SNX13: variants seen among roughly 807,000 people sequenced by gnomAD.
The protein encoded by SNX13 is sorting nexin 13.
In SNX13, 45 loss-of-function variants were observed where a neutral mutation model predicts 133.6. The ratio of observed to expected loss-of-function variants is 0.34; its 90% confidence interval spans 0.27 to 0.43. The LOEUF (loss-of-function observed/expected upper bound fraction) is 0.43. Among genes scored for constraint, SNX13 ranks in the 20% least tolerant of loss-of-function variants. The probability of loss-of-function intolerance (pLI) is 1.00; values close to 1 mark genes in which losing one functional copy is unlikely to be tolerated. For missense variants in SNX13, 1,032 were observed against 1,145.1 expected (o/e 0.90, Z 1.43); for synonymous variants, 414 against 373.9 (o/e 1.11, Z -1.24).
intron 9 of SNX13, among the ~76,000 whole-genome samples, chr7:17,863,774 G>A (rs1793031032): frequency 6.6e-6 from 1 of 152,262 alleles, no homozygotes; most frequent in South Asian, 2.1e-4. Context: ...TGGTGACCAT[G>A]ACAGTGTCCA....
At chr7:17,894,938 C>T (rs1298031913) in intron 2 of SNX13, among the ~76,000 whole-genome samples, 1 of 152,094 alleles carries the variant, frequency 6.6e-6, no homozygotes, top group Non-Finnish European at 1.5e-5. Flanking sequence ...CAGTTTAAGT[C>T]ATTAATTCTG....
At chr7:17,841,529 T>C (rs1419745035) in intron 12 of SNX13, among the ~76,000 whole-genome samples, 1 of 144,830 alleles carries the variant, frequency 6.9e-6, no homozygotes, top group Non-Finnish European at 1.5e-5. Context: ...ACTACATTAT[T>C]AGATTCAAAC....
At chr7:17,866,244 G>A (rs1760479517) in intron 9 of SNX13, among the ~76,000 whole-genome samples, 1 of 149,752 alleles carries the variant, frequency 6.7e-6, no homozygotes, top group African/African-American at 2.5e-5. Context: ...CTACTCATGT[G>A]ACAAAGAAAT....
chr7:17,800,831 G>A (rs1201928767), intron 22 of SNX13, among the ~76,000 whole-genome samples: 1 of 151,192 alleles, frequency 6.6e-6, no homozygotes, highest in Non-Finnish European at 1.5e-5. Context: ...CATTTCAACA[G>A]TTATCACAGA....
chr7:17,911,009 C>T (rs980310366), intron 1 of SNX13, among the ~76,000 whole-genome samples: 3 of 152,140 alleles, frequency 2.0e-5, no homozygotes, highest in Non-Finnish European at 4.4e-5. Context: ...ACCAATGAAT[C>T]ACTCATTTTT....
chr7:17,915,744 T>C (rs1799492543), intron 1 of SNX13, among the ~76,000 whole-genome samples: 1 of 152,134 alleles, frequency 6.6e-6, no homozygotes, highest in Non-Finnish European at 1.5e-5. Flanking sequence ...ATAAGATAGA[T>C]CAACAAGGCA....
At chr7:17,912,654 C>T (rs1799112947) in intron 1 of SNX13, among the ~76,000 whole-genome samples, 1 of 152,136 alleles carries the variant, frequency 6.6e-6, no homozygotes. Context: ...TCAAGTCATC[C>T]ACCTGCCTTG....
At chr7:17,922,597 T>C (rs1464840002) in intron 1 of SNX13, among the ~76,000 whole-genome samples, 1 of 152,232 alleles carries the variant, frequency 6.6e-6, no homozygotes, top group East Asian at 1.9e-4. Context: ...TCTTCACAAG[T>C]TTATTTTCCT....
intron 15 of SNX13, 147 bp downstream of exon 15, chr7:17,833,905 C>T (rs1788816636): frequency 2.0e-6 from 1 of 504,492 alleles, no homozygotes; most frequent in Non-Finnish European, 3.1e-6. Context: ...AGTCACTAAA[C>T]TTTGTCATTC....
At chr7:17,925,926 C>G (rs922801493) in intron 1 of SNX13, among the ~76,000 whole-genome samples, 25 of 152,116 alleles carry the variant, frequency 1.6e-4, no homozygotes, top group Non-Finnish European at 1.2e-4. Context: ...TTTGCACATA[C>G]CAAGTATTAG....
intron 11 of SNX13, among the ~76,000 whole-genome samples, chr7:17,846,167 T>C (rs1415024618): frequency 6.6e-6 from 1 of 151,728 alleles, no homozygotes; most frequent in East Asian, 1.9e-4. Flanking sequence ...ATAAAATGTG[T>C]TTTTTTTCCA....
intron 1 of SNX13, among the ~76,000 whole-genome samples, chr7:17,903,795 A>G (rs1219930617): frequency 6.6e-6 from 1 of 152,222 alleles, no homozygotes; most frequent in Non-Finnish European, 1.5e-5. Context: ...CTTTTATCTA[A>G]ATATTAATCA....
At position 17,830,556 on chromosome 7, in the gene SNX13, G is replaced by C. The variant is rs1347127137; in HGVS notation, c.1598-509C>G. The C allele has an allele frequency of 4.1e-6, 4 of 983,234 alleles. No individual in the cohort carries two copies. In the East Asian group the frequency reaches 3.4e-4, roughly 84 times the overall value. The allele number at this position is 983,234 out of a possible 1,614,324, so 60.9% of individuals were successfully genotyped here. A position where few individuals can be genotyped will look rare whatever the true frequency, so the allele number is the denominator to read the frequency against. On this transcript the variant is annotated intron_variant, in intron 15 of 25. Transcript: ENST00000428135. ...GTGGTAGATTATCTTGAAAACACTG[G>C]AAGTCCAGATTTTTAAATCAATATA...
At chr7:17,805,211 TTGTGTGTGTGTGTG>T (rs55946438) in intron 20 of SNX13, among the ~76,000 whole-genome samples, 14 of 118,492 alleles carry the variant, frequency 1.2e-4, no homozygotes, top group East Asian at 5.1e-4. Context: ...TAATGATTCT[TTGTGTGTGTGTGTG>T]TGTGTGTGTG....
At chr7:17,911,422 T>C (rs1434203187) in intron 1 of SNX13, among the ~76,000 whole-genome samples, 2 of 152,098 alleles carry the variant, frequency 1.3e-5, no homozygotes, top group African/African-American at 4.8e-5. Context: ...GCAGATCACT[T>C]GAGGTCAGGA....
intron 1 of SNX13, among the ~76,000 whole-genome samples, chr7:17,912,323 C>T (rs888208960): frequency 2.0e-5 from 3 of 152,048 alleles, no homozygotes; most frequent in Non-Finnish European, 4.4e-5. Flanking sequence ...AACACTGACA[C>T]TAAACTGGGA....
intron 5 of SNX13, among the ~76,000 whole-genome samples, chr7:17,887,326 C>T (rs537724027): frequency 3.3e-5 from 5 of 152,268 alleles, no homozygotes; most frequent in African/African-American, 1.2e-4. Context: ...GTCTGCATCA[C>T]ACTATAATAT....
intron 7 of SNX13, 130 bp from the exon 8 acceptor site, chr7:17,873,746 T>C (rs1055707147): frequency 4.3e-6 from 2 of 466,340 alleles, no homozygotes; most frequent in South Asian, 9.5e-5. Flanking sequence ...TTTTAGTAAT[T>C]AGTACACATC....
At chr7:17,928,626 C>A (rs1416070143) in intron 1 of SNX13, among the ~76,000 whole-genome samples, 1 of 151,386 alleles carries the variant, frequency 6.6e-6, no homozygotes, top group African/African-American at 2.4e-5. Flanking sequence ...TCAAAAAATT[C>A]AATTATGAGA....
Sources: gnomAD v4.1 joint callset for allele counts (sites outside exome capture counted in the v4.1 genomes callset) on GRCh38, gnomAD v4.1.1 for gene constraint, MANE v1.5 for transcripts, NCBI Gene and HGNC (gene_info 2026-07-23, HGNC 2026-07-21) for gene names.